The following EPHA3 variants were observed in gnomAD, a reference collection of about 807,000 sequenced individuals.
EPHA3 encodes EPH receptor A3.
In EPHA3, 42 loss-of-function variants were observed where a neutral mutation model predicts 107.1. That is an observed-to-expected ratio of 0.39 (90% CI 0.31 to 0.51). The LOEUF (loss-of-function observed/expected upper bound fraction) is 0.51, where lower values mean the gene tolerates loss of function less well. Among genes scored for constraint, EPHA3 ranks in the 20% least tolerant of loss-of-function variants. The pLI, the probability that EPHA3 is intolerant of heterozygous loss-of-function variation, is 0.78. For missense variants in EPHA3, 1,183 were observed against 1,211.2 expected, an observed-to-expected ratio of 0.98 and a Z score of 0.35; for synonymous variants, 461 against 424.8, an observed-to-expected ratio of 1.09 and a Z score of -1.05.
intron 10 of EPHA3, among the ~76,000 whole-genome samples, chr3:89,414,281 A>G (rs912755789): frequency 6.6e-6 from 1 of 151,734 alleles, no homozygotes; most frequent in African/African-American, 2.4e-5. Context: ...TTAATTTACT[A>G]GAGCTTCTCT....
intron 13 of EPHA3, among the ~76,000 whole-genome samples, chr3:89,446,716 T>TA (rs2107550786): frequency 6.6e-6 from 1 of 152,074 alleles, no homozygotes; most frequent in East Asian, 1.9e-4. Flanking sequence ...TTTTTTTTAG[T>TA]GCCATTTAAG....
chr3:89,111,323 A>C (rs1351467842), intron 1 of EPHA3, among the ~76,000 whole-genome samples: 1 of 152,160 alleles, frequency 6.6e-6, no homozygotes, highest in East Asian at 1.9e-4. Flanking sequence ...TTTTCCTCAA[A>C]TAAGAACACA....
intron 3 of EPHA3, among the ~76,000 whole-genome samples, chr3:89,304,416 C>T (rs181585936): frequency 1.6e-4 from 24 of 152,062 alleles, no homozygotes; most frequent in Non-Finnish European, 2.2e-4. Context: ...ACTTTGACTA[C>T]CATATACAAT....
At chr3:89,219,954 C>T (rs1433576492) in intron 3 of EPHA3, among the ~76,000 whole-genome samples, 1 of 148,944 alleles carries the variant, frequency 6.7e-6, no homozygotes, top group African/African-American at 2.5e-5. Flanking sequence ...GTGATCCGCC[C>T]GCCTCGGCCT....
chr3:89,308,397 A>G (rs1477251746), intron 3 of EPHA3, among the ~76,000 whole-genome samples: 1 of 152,192 alleles, frequency 6.6e-6, no homozygotes, highest in Non-Finnish European at 1.5e-5. Context: ...AGATGAAAAC[A>G]TAACAAGAAA....
intron 3 of EPHA3, among the ~76,000 whole-genome samples, chr3:89,226,767 T>C (rs1428631690): frequency 6.6e-6 from 1 of 152,098 alleles, no homozygotes; most frequent in African/African-American, 2.4e-5. Flanking sequence ...GCTGTGACAG[T>C]ATTTTTTTTA....
At chr3:89,250,606 G>T (rs1422389988) in intron 3 of EPHA3, among the ~76,000 whole-genome samples, 1 of 152,064 alleles carries the variant, frequency 6.6e-6, no homozygotes, top group South Asian at 2.1e-4. Context: ...CTGCTACCCT[G>T]TGCTGACCTA....
intron 4 of EPHA3, among the ~76,000 whole-genome samples, 183 bp from the exon 5 acceptor site, chr3:89,341,572 G>A (rs183042709): frequency 1.3e-5 from 2 of 152,190 alleles, no homozygotes; most frequent in East Asian, 3.9e-4. Flanking sequence ...TCACAGCTTG[G>A]GGAAGACAGT....
At chr3:89,123,491 C>T (rs543749011) in intron 1 of EPHA3, among the ~76,000 whole-genome samples, 45 of 152,214 alleles carry the variant, frequency 3.0e-4, no homozygotes, top group African/African-American at 9.6e-4. Flanking sequence ...TTCTTATTTA[C>T]GTCAGAAACC....
chr3:89,114,116 TACAA>T (rs1251046158), intron 1 of EPHA3, among the ~76,000 whole-genome samples: 1 of 152,326 alleles, frequency 6.6e-6, no homozygotes, highest in East Asian at 1.9e-4. Flanking sequence ...GGCAGCACTG[TACAA>T]ACAAACTGTT....
intron 5 of EPHA3, among the ~76,000 whole-genome samples, chr3:89,386,811 A>G (rs1484139167): frequency 6.6e-6 from 1 of 152,260 alleles, no homozygotes; most frequent in Non-Finnish European, 1.5e-5. Context: ...CATCTCTTGC[A>G]TCAGCATGAC....
chr3:89,248,708 C>A (rs2107259055), intron 3 of EPHA3, among the ~76,000 whole-genome samples: 1 of 152,212 alleles, frequency 6.6e-6, no homozygotes, highest in African/African-American at 2.4e-5. Flanking sequence ...TGGTGACTGG[C>A]AGGAATTTGG....
chr3:89,227,811 C>A (rs1267624208), intron 3 of EPHA3, among the ~76,000 whole-genome samples: 2 of 151,840 alleles, frequency 1.3e-5, no homozygotes, highest in African/African-American at 2.4e-5. Context: ...TTATTTGTAA[C>A]GTTCCATGTC....
chr3:89,109,041 G>C (rs1452238297), intron 1 of EPHA3, among the ~76,000 whole-genome samples: 1 of 152,066 alleles, frequency 6.6e-6, no homozygotes, highest in East Asian at 1.9e-4. Flanking sequence ...TACTTAGAAA[G>C]TTTTTTATTA....
rs181918596 is a variant in EPHA3 at position 89,476,956 on chromosome 3, T to C, written c.2847-2441T>C. 2.6e-5 allele frequency among the ~76,000 whole-genome samples: 4 copies of C among 152,028 alleles called. No homozygotes were observed. The East Asian group carries it at 7.7e-4, about 29-fold the overall frequency. ...CAAAAAATCATCTAGTCATAAAACA[T>C]AGGATATGGTATTGGAAGAAGATGA... is the stretch of plus-strand genomic sequence containing the variant. On this transcript the variant is annotated intron_variant, in intron 16 of 16. Transcript: ENST00000336596.
chr3:89,390,696 T>C (rs1273780382), intron 5 of EPHA3, among the ~76,000 whole-genome samples: 1 of 151,738 alleles, frequency 6.6e-6, no homozygotes, highest in Non-Finnish European at 1.5e-5. Context: ...GTCATTGCAG[T>C]GGCCTGGACT....
At position 89,413,319 on chromosome 3, in the gene EPHA3, C is replaced by T. The variant is rs1021025309; in HGVS notation, c.1888+53C>T. 3.1e-6 allele frequency: 5 copies of T among 1,604,710 alleles called. No homozygotes were observed. The African/African-American group carries it at 6.7e-5, about 22-fold the overall frequency. On this transcript the variant is annotated intron_variant, in intron 10 of 16. Coordinates refer to ENST00000336596, the MANE Select transcript of EPHA3 (RefSeq NM_005233.6). ...TAGTACTGTATGTGAATCACGATTGCTCAGTCTCTGAAACCTAAGTATATT... is the reference window on the plus strand; with the variant it reads ...TAGTACTGTATGTGAATCACGATTGTTCAGTCTCTGAAACCTAAGTATATT...
chr3:89,224,141 A>G (rs1311162093), intron 3 of EPHA3, among the ~76,000 whole-genome samples: 1 of 152,198 alleles, frequency 6.6e-6, no homozygotes, highest in East Asian at 1.9e-4. Flanking sequence ...GGGAGATGTA[A>G]ACCTGGACAT....
intron 5 of EPHA3, among the ~76,000 whole-genome samples, chr3:89,366,641 A>G (rs1708188737): frequency 6.6e-6 from 1 of 150,698 alleles, no homozygotes; most frequent in Non-Finnish European, 1.5e-5. Context: ...TCTTGAGAAC[A>G]GCAATGGATA....
Sources: allele counts gnomAD v4.1 joint callset (sites outside exome capture counted in the v4.1 genomes callset), GRCh38; gene constraint gnomAD v4.1.1; transcripts MANE v1.5; gene names NCBI Gene and HGNC (gene_info 2026-07-23, HGNC 2026-07-21).